The following ZDHHC11B variants were observed in gnomAD, a reference collection of about 807,000 sequenced individuals.
ZDHHC11B encodes probable palmitoyltransferase ZDHHC11B.
In ZDHHC11B, 17 loss-of-function variants were observed where a neutral mutation model predicts 42.3. The observed-to-expected ratio is 0.40, with a 90% CI of 0.27 to 0.60. ZDHHC11B has a LOEUF of 0.60. Among genes scored for constraint, ZDHHC11B ranks in the 20% least tolerant of loss-of-function variants. ZDHHC11B has a pLI of 0.41. For synonymous variants in ZDHHC11B, 123 were observed against 193.5 expected (o/e 0.64, Z 3.02); for missense variants, 262 against 463.2 (o/e 0.57, Z 3.99).
intron 7 of ZDHHC11B, among the ~76,000 whole-genome samples, 164 bp from the exon 8 acceptor site, chr5:748,723 A>G (rs3817054): frequency 1.9e-5 from 2 of 103,830 alleles, no homozygotes; most frequent in South Asian, 3.9e-4. Context: ...TGAGTGCCCC[A>G]TGGGCCCTGC....
At chr5:765,271 T>C (rs1162650098) in intron 4 of ZDHHC11B, among the ~76,000 whole-genome samples, 3 of 151,598 alleles carry the variant, frequency 2.0e-5, no homozygotes, top group African/African-American at 7.3e-5. Flanking sequence ...GGTTTGTAAA[T>C]GCACCAATCA....
In ZDHHC11B at chr5:726,124, A is replaced by G. The variant is rs374914409; in HGVS notation, c.1058+4310T>C. Among the ~76,000 whole-genome samples, 5 of 150,656 alleles carry G rather than the reference A, an allele frequency of 3.3e-5. No homozygotes were observed. In the East Asian group the frequency reaches 7.8e-4, roughly 24 times the overall value. ...TCCCCCATCGGTTTGTCTAATATCCACCACTAGAGACACTATAAATCCCTA... is the reference window on the plus strand; with the variant it reads ...TCCCCCATCGGTTTGTCTAATATCCGCCACTAGAGACACTATAAATCCCTA... On this transcript the variant is annotated intron_variant, in intron 12 of 13. Transcript: ENST00000508859.
intron 1 of ZDHHC11B, among the ~76,000 whole-genome samples, chr5:778,933 G>A (rs550418912): frequency 8.6e-5 from 13 of 151,926 alleles, no homozygotes; most frequent in South Asian, 2.1e-4. Flanking sequence ...GGGAATGACC[G>A]AGTGCCTTAT....
At chr5:773,804 G>A (rs1443931426) in intron 1 of ZDHHC11B, among the ~76,000 whole-genome samples, 5 of 151,642 alleles carry the variant, frequency 3.3e-5, no homozygotes, top group East Asian at 1.9e-4. Context: ...GGACCTGCTT[G>A]GAGACTGAGC....
intron 4 of ZDHHC11B, among the ~76,000 whole-genome samples, chr5:761,587 G>A (rs1734614895): frequency 6.6e-6 from 1 of 151,912 alleles, no homozygotes; most frequent in Admixed American, 6.6e-5. Context: ...TGAGTGGAGG[G>A]GCGCAAGGCT....
chr5:777,525 A>G lies in ZDHHC11B; in HGVS notation c.-230+7143T>C, dbSNP rs367751664. 7.9e-5 allele frequency among the ~76,000 whole-genome samples: 12 copies of G among 151,982 alleles called. No individual in the cohort carries two copies. The East Asian group carries it at 2.3e-3, about 29-fold the overall frequency. On this transcript the variant is annotated intron_variant, in intron 1 of 13. Coordinates refer to ENST00000508859, the MANE Select transcript of ZDHHC11B (RefSeq NM_001351303.2). Reference sequence around the variant, plus strand: ...AAGAGCAAAAGAACAAACTTTCCACAGCGGAGAAGAGAATGGAGTCAGGTT... The same window carrying G: ...AAGAGCAAAAGAACAAACTTTCCACGGCGGAGAAGAGAATGGAGTCAGGTT...
intron 10 of ZDHHC11B, among the ~76,000 whole-genome samples, chr5:737,382 G>A (rs1226157073): frequency 1.3e-5 from 2 of 149,366 alleles, no homozygotes; most frequent in African/African-American, 5.0e-5. Context: ...GGCATCCAAA[G>A]AAGGACTGGT....
rs546644523 is a variant in ZDHHC11B at position 735,756 on chromosome 5, C to A, written c.936-1917G>T. Among the ~76,000 whole-genome samples the A allele has an allele frequency of 3.3e-5, 5 of 149,852 alleles. No individual in the cohort carries two copies. In the East Asian group the frequency reaches 1.0e-3, roughly 30 times the overall value. ...AGTAGAAAAAATGTCTGTTTCAGAA[C>A]AACAAATGCTGAGAGAACTAGCCAC... is the stretch of plus-strand genomic sequence containing the variant. On this transcript the variant is annotated intron_variant, in intron 10 of 13. Coordinates refer to ENST00000508859, the MANE Select transcript of ZDHHC11B (RefSeq NM_001351303.2).
At chr5:715,431 A>G in intron 13 of ZDHHC11B, among the ~76,000 whole-genome samples, 1 of 151,088 alleles carries the variant, frequency 6.6e-6, no homozygotes, top group East Asian at 1.9e-4. Flanking sequence ...ACATGAGCTC[A>G]AGTTGTAGCC....
intron 1 of ZDHHC11B, among the ~76,000 whole-genome samples, chr5:777,941 G>C (rs1172722420): frequency 6.6e-6 from 1 of 151,812 alleles, no homozygotes; most frequent in Non-Finnish European, 1.5e-5. Flanking sequence ...TCGGCATGGC[G>C]GTCGGCGGGT....
At chr5:756,345 CT>C (rs958524310) in intron 4 of ZDHHC11B, among the ~76,000 whole-genome samples, 4 of 151,590 alleles carry the variant, frequency 2.6e-5, no homozygotes, top group Admixed American at 1.3e-4. Flanking sequence ...GCCCTATACA[CT>C]TGGCCCTTCA....
chr5:724,368 C>G (rs1455214591), intron 12 of ZDHHC11B, among the ~76,000 whole-genome samples: 5 of 101,578 alleles, frequency 4.9e-5, no homozygotes, highest in Admixed American at 1.3e-4. Flanking sequence ...TCAAACCCAG[C>G]TAATTTTTTT....
At chr5:767,348 T>C in intron 3 of ZDHHC11B, 44 bp downstream of exon 3, 2 of 1,569,602 alleles carry the variant, frequency 1.3e-6, no homozygotes, top group Non-Finnish European at 1.7e-6. Flanking sequence ...AGGGCGCAGC[T>C]GAAGCTGGAC....
chr5:778,069 G>T (rs934099481), intron 1 of ZDHHC11B, among the ~76,000 whole-genome samples: 2 of 151,952 alleles, frequency 1.3e-5, no homozygotes, highest in Non-Finnish European at 2.9e-5. Flanking sequence ...AGGACAGAGG[G>T]GCAAGGGGGC....
intron 1 of ZDHHC11B, among the ~76,000 whole-genome samples, chr5:778,457 G>T (rs1561206686): frequency 6.6e-6 from 1 of 150,750 alleles, no homozygotes. Context: ...TCTCAAGGGG[G>T]CAGAGCAGGT....
At chr5:775,223 C>A (rs1736375787) in intron 1 of ZDHHC11B, among the ~76,000 whole-genome samples, 1 of 151,972 alleles carries the variant, frequency 6.6e-6, no homozygotes, top group Non-Finnish European at 1.5e-5. Flanking sequence ...CCTCTGACAG[C>A]TCCACCTGCT....
At chr5:746,967 C>T (rs1458536790) in intron 8 of ZDHHC11B, among the ~76,000 whole-genome samples, 2 of 123,350 alleles carry the variant, frequency 1.6e-5, no homozygotes, top group Non-Finnish European at 3.5e-5. Context: ...TGACTCTAAG[C>T]ATCTGAGGGT....
chr5:719,148 T>G (rs1741995378), intron 12 of ZDHHC11B, among the ~76,000 whole-genome samples: 1 of 151,824 alleles, frequency 6.6e-6, no homozygotes. Flanking sequence ...GGGCACAAAC[T>G]GATGGTTCCA....
At chr5:715,163 T>A (rs413818) in intron 13 of ZDHHC11B, among the ~76,000 whole-genome samples, 1 of 148,898 alleles carries the variant, frequency 6.7e-6, no homozygotes, top group African/African-American at 2.5e-5. Context: ...GTAACACTGA[T>A]AGACTAAGAC....
Sources: allele counts gnomAD v4.1 joint callset (sites outside exome capture counted in the v4.1 genomes callset), GRCh38; gene constraint gnomAD v4.1.1; transcripts MANE v1.5; gene names NCBI Gene and HGNC (gene_info 2026-07-23, HGNC 2026-07-21).